PPP2R5C: variants seen among roughly 807,000 people sequenced by gnomAD.
PPP2R5C encodes the protein protein phosphatase 2 regulatory subunit B'gamma.
A neutral mutation model predicts 68.9 loss-of-function variants in PPP2R5C; 7 were observed. That is an observed-to-expected ratio of 0.10 (90% CI 0.06 to 0.19). The LOEUF is 0.19. Ranked by LOEUF, PPP2R5C falls within the 10% of genes least tolerant of loss-of-function variation. The pLI is 1.00. For synonymous variants in PPP2R5C, 210 were observed against 222.2 expected, an observed-to-expected ratio of 0.95 and a Z score of 0.49; for missense variants, 348 against 641.3, an observed-to-expected ratio of 0.54 and a Z score of 4.94.
rs371491670 is a variant in PPP2R5C, at chr14:101,797,341, C to T, written c.259+11158C>T. 43 of 455,710 alleles carry T rather than the reference C, an allele frequency of 9.4e-5. No individual in the cohort carries two copies. In the East Asian group the frequency reaches 9.7e-4, roughly 10 times the overall value. The allele number at this position is 455,710 out of a possible 1,614,324, so 28.2% of individuals were successfully genotyped here. On this transcript the variant is annotated intron_variant, in intron 3 of 14. Coordinates refer to the PPP2R5C transcript ENST00000328724. The surrounding 1 kb of genome is among the most constrained non-coding windows in gnomAD (Gnocchi z 4.2). ...GGATGGACGCGTGGGTTGCAGAGCA[C>T]GCCACACACATTCAGTCAGTACACG...
intron 2 of PPP2R5C, among the ~76,000 whole-genome samples, chr14:101,858,802 C>T (rs899218441): frequency 6.6e-6 from 1 of 152,186 alleles, no homozygotes; most frequent in African/African-American, 2.4e-5. Flanking sequence ...CAAAGAATGA[C>T]AAGACTCCCG....
intron 1 of PPP2R5C, among the ~76,000 whole-genome samples, chr14:101,815,308 C>T (rs2039593219): frequency 6.6e-6 from 1 of 152,178 alleles, no homozygotes; most frequent in Non-Finnish European, 1.5e-5. Flanking sequence ...TGAAAGCTCC[C>T]ACCTCATAGG....
intron 1 of PPP2R5C, among the ~76,000 whole-genome samples, chr14:101,826,130 G>A (rs900084132): frequency 1.3e-5 from 2 of 152,066 alleles, no homozygotes; most frequent in South Asian, 4.1e-4. Context: ...GGTATCATTT[G>A]CAGCACACGT....
In PPP2R5C at chr14:101,917,934, A is replaced by T; in HGVS notation, c.1430A>T (p.Asp477Val). The change falls in exon 13 of 14, where the codon GAC (aspartate) becomes GTC (valine). Residue 477 changes from aspartate to valine, a missense_variant. Physicochemically the swap from Asp to Val is radical, Grantham distance 152. Coordinates refer to ENST00000334743, the Ensembl canonical transcript of PPP2R5C. The surrounding 1 kb of genome is among the most constrained non-coding windows in gnomAD (Gnocchi z 4.4). ...CAGATGCTGAGAAAGACAGTGAAGG[A>T]CGAGGCTCATCAGGTAAAAGTGCAC... is the stretch of plus-strand genomic sequence containing the variant. The T allele has an allele frequency of 6.2e-7, 1 of 1,613,914 alleles. No individual in the cohort carries two copies. The highest frequency in any genetic ancestry group is 8.5e-7 in the Non-Finnish European group (1 of 1,179,856).
Position 101,917,735 on chromosome 14 carries a change from G to A in PPP2R5C, c.1327-96G>A. On this transcript the variant is annotated intron_variant, in intron 12 of 13. Coordinates refer to ENST00000334743, the Ensembl canonical transcript of PPP2R5C. This position sits in a 1 kb window ranked among gnomAD's most constrained non-coding sequence, Gnocchi z 4.4. ...GGGCTTCCTGCGGGAGAGGGCCCTG[G>A]GGGGCGGCAGGGGAGATGAGTCCCT... 1 of 1,546,576 alleles carries A rather than the reference G, an allele frequency of 6.5e-7. No individual in the cohort carries two copies. Among genetic ancestry groups the A allele is most frequent in the South Asian group, 1.2e-5 (1 of 84,870 alleles).
intron 13 of PPP2R5C, among the ~76,000 whole-genome samples, chr14:101,919,013 C>G (rs1433554447): frequency 7.9e-5 from 12 of 152,134 alleles, no homozygotes; most frequent in Admixed American, 7.9e-4. Context: ...CATTGTTTTA[C>G]TCCTTTACTG....
At chr14:101,831,277 CTTATAT>C (rs2040719639) in intron 1 of PPP2R5C, among the ~76,000 whole-genome samples, 2 of 152,130 alleles carry the variant, frequency 1.3e-5, no homozygotes, top group South Asian at 2.1e-4. Context: ...ATAAAACATG[CTTATAT>C]TTATATATGA....
intron 1 of PPP2R5C, among the ~76,000 whole-genome samples, chr14:101,816,910 AATAT>A (rs547641413): frequency 7.2e-6 from 1 of 138,962 alleles, no homozygotes; most frequent in South Asian, 2.2e-4. Context: ...ATATATATAT[AATAT>A]ATATATTTAT....
intron 8 of PPP2R5C, among the ~76,000 whole-genome samples, chr14:101,898,219 A>C (rs540456092): frequency 6.6e-6 from 1 of 152,290 alleles, no homozygotes; most frequent in Admixed American, 6.5e-5. Flanking sequence ...GAGATTTTTG[A>C]AAGTATGTAT....
At chr14:101,794,329 T>G (rs2140106896) in intron 3 of PPP2R5C, among the ~76,000 whole-genome samples, 1 of 152,330 alleles carries the variant, frequency 6.6e-6, no homozygotes, top group Admixed American at 6.5e-5. Flanking sequence ...AAAACAATAT[T>G]GATATTACTG....
At chr14:101,914,883 T>G (rs2046577196) in intron 12 of PPP2R5C, among the ~76,000 whole-genome samples, 1 of 152,194 alleles carries the variant, frequency 6.6e-6, no homozygotes, top group Admixed American at 6.5e-5. Flanking sequence ...TTTGTGGGAA[T>G]CATATGAAAT....
At chr14:101,907,325 T>C (rs1741137) in intron 10 of PPP2R5C, among the ~76,000 whole-genome samples, 53,078 of 151,652 alleles carry the variant, frequency 0.35, 13,077 homozygotes, top group African/African-American at 0.71. Context: ...CACCCACCGC[T>C]ACGCCTGGCT....
chr14:101,925,102 C>T lies in PPP2R5C; in HGVS notation c.1444-39C>T, dbSNP rs190820955. 1.6e-3 allele frequency: 2,503 copies of T among 1,608,912 alleles called. 32 individuals carry two copies. The African/African-American group carries it at 0.03, about 19-fold the overall frequency. On this transcript the variant is annotated intron_variant, in intron 13 of 13. Transcript: ENST00000334743. The stretch of plus-strand genomic sequence containing the variant: ...AGAAGTAAGCTTGCTTTTCAGATAG[C>T]TTAGTTTGTAGCCAACGCCATTGCA...
At position 101,916,183 on chromosome 14, in the gene PPP2R5C, G is replaced by A. The variant is rs114997206; in HGVS notation, c.1327-1648G>A. Among the ~76,000 whole-genome samples, 637 of 152,328 alleles carry A rather than the reference G, an allele frequency of 4.2e-3. 5 individuals are homozygous for A. Among genetic ancestry groups the A allele is most frequent in the African/African-American group, 0.015 (617 of 41,576 alleles). ...TTTGGCGCAGCATGGATGGAGTGCT[G>A]GGGCTGTCGGGGTAGGGTGTGGAGA... is the stretch of plus-strand genomic sequence containing the variant. On this transcript the variant is annotated intron_variant, in intron 12 of 13. Coordinates refer to ENST00000334743, the Ensembl canonical transcript of PPP2R5C. This position sits in a 1 kb window ranked among gnomAD's most constrained non-coding sequence, Gnocchi z 5.5.
intron 3 of PPP2R5C, among the ~76,000 whole-genome samples, chr14:101,792,510 A>G (rs2038405580): frequency 6.6e-6 from 1 of 152,260 alleles, no homozygotes; most frequent in Non-Finnish European, 1.5e-5. Context: ...ATACTTGGTT[A>G]TCTTGAAATG....
intron 1 of PPP2R5C, among the ~76,000 whole-genome samples, chr14:101,815,133 C>A (rs535236669): frequency 1.3e-5 from 2 of 152,260 alleles, no homozygotes; most frequent in African/African-American, 4.8e-5. Flanking sequence ...TAACCCTCCC[C>A]CACTCACTAC....
At chr14:101,887,235 G>A (rs2044583207) in intron 5 of PPP2R5C, among the ~76,000 whole-genome samples, 1 of 152,260 alleles carries the variant, frequency 6.6e-6, no homozygotes, top group Admixed American at 6.5e-5. Flanking sequence ...GGGACCTGGA[G>A]GCTGGGCGGG....
chr14:101,904,274 C>T (rs2045893627), intron 9 of PPP2R5C, among the ~76,000 whole-genome samples: 1 of 152,056 alleles, frequency 6.6e-6, no homozygotes, highest in Non-Finnish European at 1.5e-5. Context: ...CTCAGCCTCC[C>T]AAGTAGCTGG....
At chr14:101,833,857 A>T in intron 1 of PPP2R5C, among the ~76,000 whole-genome samples, 1 of 152,132 alleles carries the variant, frequency 6.6e-6, no homozygotes, top group East Asian at 1.9e-4. Context: ...GCTGGAGTGC[A>T]GTGGCGCGAT....
Sources: allele counts gnomAD v4.1 joint callset (sites outside exome capture counted in the v4.1 genomes callset), GRCh38; gene constraint gnomAD v4.1.1; non-coding constraint Gnocchi (gnomAD v3.1); transcripts MANE v1.5; gene names NCBI Gene and HGNC (gene_info 2026-07-23, HGNC 2026-07-21).